SUGCT: variants seen among roughly 807,000 people sequenced by gnomAD.
SUGCT encodes succinyl-CoA:glutarate-CoA transferase, also known as succinyl-CoA:glutarate CoA-transferase.
Under a neutral mutation model 55.0 loss-of-function variants are expected in SUGCT, and 41 were observed. The observed-to-expected ratio is 0.74, with a 90% CI of 0.58 to 0.97. The LOEUF is 0.97. Among genes scored for constraint, SUGCT ranks in the 50% least tolerant of loss-of-function variants. The pLI is 0.00. For synonymous variants in SUGCT, 187 were observed against 200.4 expected, an observed-to-expected ratio of 0.93 and a Z score of 0.56; for missense variants, 568 against 547.8, an observed-to-expected ratio of 1.04 and a Z score of -0.37.
intron 7 of SUGCT, among the ~76,000 whole-genome samples, chr7:40,265,738 T>G (rs1791527438): frequency 6.6e-6 from 1 of 152,136 alleles, no homozygotes; most frequent in Non-Finnish European, 1.5e-5. Flanking sequence ...GCAGATCACT[T>G]TAAGCCATGA....
chr7:40,621,329 C>T (rs1029627247), intron 12 of SUGCT, among the ~76,000 whole-genome samples: 1 of 152,134 alleles, frequency 6.6e-6, no homozygotes, highest in Non-Finnish European at 1.5e-5. Flanking sequence ...TTGGTTTCTC[C>T]TGTCTTTCTC....
intron 9 of SUGCT, among the ~76,000 whole-genome samples, chr7:40,360,108 G>T (rs549030394): frequency 1.3e-5 from 2 of 152,262 alleles, no homozygotes; most frequent in East Asian, 1.9e-4. Flanking sequence ...CCGCCTGCCA[G>T]GTTCAAGTGA....
chr7:40,657,296 G>A (rs1244160407), intron 12 of SUGCT, among the ~76,000 whole-genome samples: 1 of 151,954 alleles, frequency 6.6e-6, no homozygotes, highest in Non-Finnish European at 1.5e-5. Flanking sequence ...CTTTGTTGTT[G>A]TCATCCCAGA....
intron 1 of SUGCT, among the ~76,000 whole-genome samples, chr7:40,144,559 C>T (rs975528369): frequency 4.6e-5 from 7 of 152,042 alleles, no homozygotes; most frequent in African/African-American, 7.3e-5. Flanking sequence ...TCTTTCCACC[C>T]TTTGATGAGA....
At chr7:40,725,842 A>T (rs1468770345) in intron 12 of SUGCT, among the ~76,000 whole-genome samples, 2 of 152,098 alleles carry the variant, frequency 1.3e-5, no homozygotes, top group African/African-American at 2.4e-5. Flanking sequence ...AAACCCTTTT[A>T]TAGCCTTGAT....
intron 9 of SUGCT, among the ~76,000 whole-genome samples, chr7:40,445,382 A>G (rs1788766457): frequency 6.6e-6 from 1 of 152,228 alleles, no homozygotes. Flanking sequence ...GTATGCAAGT[A>G]AACTAGAAAA....
chr7:40,837,706 T>C (rs1793060471), intron 13 of SUGCT, among the ~76,000 whole-genome samples: 1 of 152,092 alleles, frequency 6.6e-6, no homozygotes, highest in South Asian at 2.1e-4. Flanking sequence ...GGTTGCCTCC[T>C]GGGTTCAAGC....
At chr7:40,254,999 G>A (rs548637909) in intron 7 of SUGCT, among the ~76,000 whole-genome samples, 2 of 150,924 alleles carry the variant, frequency 1.3e-5, no homozygotes, top group South Asian at 2.1e-4. Context: ...TGGGGCGGGG[G>A]GAGCATCATC....
intron 1 of SUGCT, among the ~76,000 whole-genome samples, chr7:40,179,188 C>G (rs796100950): frequency 3.9e-5 from 6 of 152,262 alleles, no homozygotes; most frequent in African/African-American, 1.4e-4. Context: ...CTGCTGTAAG[C>G]CATTGTATTA....
chr7:40,729,667 T>C (rs1298597264), intron 12 of SUGCT, among the ~76,000 whole-genome samples: 1 of 152,172 alleles, frequency 6.6e-6, no homozygotes, highest in African/African-American at 2.4e-5. Context: ...CCATGCTAAA[T>C]TTTGGACTTT....
the SUGCT span, among the ~76,000 whole-genome samples, chr7:40,983,978 A>T: frequency 6.6e-6 from 1 of 152,118 alleles, no homozygotes; most frequent in East Asian, 1.9e-4. Context: ...GTAGGAACCA[A>T]GGGGGCCTCT....
chr7:40,163,412 T>C (rs1784273482), intron 1 of SUGCT, among the ~76,000 whole-genome samples: 2 of 152,268 alleles, frequency 1.3e-5, no homozygotes, highest in South Asian at 4.1e-4. Flanking sequence ...AAGACCATCC[T>C]GGCTAACACG....
chr7:40,249,317 A>ATATCTATATATATATATCTC (rs1562611996), intron 7 of SUGCT, among the ~76,000 whole-genome samples: 2 of 21,528 alleles, frequency 9.3e-5, no homozygotes, highest in Non-Finnish European at 2.9e-4. Context: ...AAAAAGCTAT[A>ATATCTATATATATATATCTC]TATATATATA....
the SUGCT span, among the ~76,000 whole-genome samples, chr7:40,921,302 G>A: frequency 6.6e-6 from 1 of 152,028 alleles, no homozygotes; most frequent in Non-Finnish European, 1.5e-5. Context: ...GACTATAGGG[G>A]CCTTTTAAAA....
At chr7:40,153,248 G>T in intron 1 of SUGCT, 1 of 401,772 alleles carries the variant, frequency 2.5e-6, no homozygotes, top group South Asian at 2.0e-5. Flanking sequence ...TTGCAGAGAT[G>T]AGACTGATGA....
intron 13 of SUGCT, among the ~76,000 whole-genome samples, chr7:40,786,703 T>G (rs971601608): frequency 3.5e-5 from 5 of 143,074 alleles, no homozygotes; most frequent in African/African-American, 5.1e-5. Context: ...TCAAAATACC[T>G]TAACAATAAT....
rs187841458 is a variant in SUGCT, at chr7:40,363,406, C to T, written c.816+46551C>T. Among the ~76,000 whole-genome samples, 450 of 152,022 alleles carry T rather than the reference C, an allele frequency of 3.0e-3. 2 individuals carry two copies. Among genetic ancestry groups the T allele is most frequent in the African/African-American group, 0.01 (425 of 41,458 alleles). ...TCTAGTTCTTTTAATTGTGATGTTA[C>T]GGTGTCAATTTTGGATCTTTCCTGC... On this transcript the variant is annotated intron_variant, in intron 9 of 13. Transcript: ENST00000335693.
At chr7:40,540,130 C>T (rs960720572) in intron 12 of SUGCT, among the ~76,000 whole-genome samples, 4 of 152,158 alleles carry the variant, frequency 2.6e-5, no homozygotes, top group African/African-American at 9.7e-5. Flanking sequence ...AAATCTTCCA[C>T]TTACTCATTT....
chr7:40,492,062 G>A (rs1393559147), intron 11 of SUGCT, among the ~76,000 whole-genome samples: 1 of 152,018 alleles, frequency 6.6e-6, no homozygotes, highest in Non-Finnish European at 1.5e-5. Context: ...AGAACTCCAG[G>A]TAGAATAGTT....
Sources: allele counts gnomAD v4.1 joint callset (sites outside exome capture counted in the v4.1 genomes callset), GRCh38; gene constraint gnomAD v4.1.1; transcripts MANE v1.5; gene names NCBI Gene and HGNC (gene_info 2026-07-23, HGNC 2026-07-21).